The following OTUD7A variants were observed in gnomAD, a reference collection of about 807,000 sequenced individuals.
OTUD7A encodes OTU deubiquitinase 7A.
OTUD7A carries 12 observed loss-of-function variants against 65.7 expected under a neutral mutation model. That is an observed-to-expected ratio of 0.18 (90% CI 0.12 to 0.30). The LOEUF (loss-of-function observed/expected upper bound fraction) is 0.30, where lower values mean the gene tolerates loss of function less well. OTUD7A is among the 10% of genes least tolerant of loss of function. The pLI, the probability that OTUD7A is intolerant of heterozygous loss-of-function variation, is 1.00. For missense variants in OTUD7A, 1,148 were observed against 1,304.8 expected (o/e 0.88, Z 1.85); for synonymous variants, 641 against 586.3 (o/e 1.09, Z -1.35).
chr15:31,532,989 G>C (rs148760385), intron 5 of OTUD7A, among the ~76,000 whole-genome samples: 1 of 148,022 alleles, frequency 6.8e-6, no homozygotes, highest in African/African-American at 2.5e-5. Flanking sequence ...TCACTAAAAG[G>C]TTCCCAATTT....
chr15:31,835,531 T>C (rs1337001877), intron 1 of OTUD7A, among the ~76,000 whole-genome samples: 2 of 152,198 alleles, frequency 1.3e-5, no homozygotes, highest in Non-Finnish European at 2.9e-5. Context: ...CCAGGGTTGG[T>C]CTTCATTGAC....
In OTUD7A at chr15:31,627,942, GT is replaced by G. The variant is rs533024517; in HGVS notation, c.151+27153del. Among the ~76,000 whole-genome samples, 10 of 151,828 alleles carry G rather than the reference GT, an allele frequency of 6.6e-5. No homozygotes were observed. The East Asian group carries it at 1.9e-3, about 29-fold the overall frequency. On this transcript the variant is annotated intron_variant, in intron 3 of 12. Coordinates refer to ENST00000307050, the MANE Select transcript of OTUD7A (RefSeq NM_001382637.1). ...CACCCACTTGTTGATGGGGTTGTTTGTTTTTTTTCTTTTAAATTTGTTTGAG... is the reference window on the plus strand; with the variant it reads ...CACCCACTTGTTGATGGGGTTGTTTGTTTTTTTCTTTTAAATTTGTTTGAG...
chr15:31,838,666 C>T (rs1015249226), intron 1 of OTUD7A, among the ~76,000 whole-genome samples: 5 of 134,702 alleles, frequency 3.7e-5, no homozygotes, highest in African/African-American at 1.4e-4. Flanking sequence ...GACCCCCCCC[C>T]ACTACTCCTA....
intron 5 of OTUD7A, among the ~76,000 whole-genome samples, chr15:31,537,012 A>C (rs750956817): frequency 6.6e-6 from 1 of 152,222 alleles, no homozygotes; most frequent in African/African-American, 2.4e-5. Flanking sequence ...ACATGTAACG[A>C]AATTTCAGAT....
chr15:31,756,175 T>C (rs1035897898), intron 1 of OTUD7A, among the ~76,000 whole-genome samples: 1 of 152,236 alleles, frequency 6.6e-6, no homozygotes, highest in Non-Finnish European at 1.5e-5. Context: ...ACTAAGGGCC[T>C]GTGGGTCCTC....
At chr15:31,667,820 T>C (rs1383283608) in intron 1 of OTUD7A, among the ~76,000 whole-genome samples, 1 of 152,218 alleles carries the variant, frequency 6.6e-6, no homozygotes, top group African/African-American at 2.4e-5. Flanking sequence ...GAGCTCCTTT[T>C]AGCAGTTCTT....
intron 1 of OTUD7A, among the ~76,000 whole-genome samples, chr15:31,855,750 C>G (rs1897554833): frequency 1.3e-5 from 2 of 152,186 alleles, no homozygotes; most frequent in Admixed American, 1.3e-4. Context: ...AACCTTTCAA[C>G]CCCTGAGTGA....
At chr15:31,540,549 A>C (rs1887954946) in intron 5 of OTUD7A, among the ~76,000 whole-genome samples, 1 of 152,176 alleles carries the variant, frequency 6.6e-6, no homozygotes, top group Non-Finnish European at 1.5e-5. Flanking sequence ...ACTCTGTTTC[A>C]GTGTTCAATT....
intron 1 of OTUD7A, among the ~76,000 whole-genome samples, chr15:31,681,837 T>C: frequency 6.6e-6 from 1 of 150,590 alleles, no homozygotes; most frequent in Non-Finnish European, 1.5e-5. Flanking sequence ...CATTGCTCTG[T>C]GTTATGTGCT....
intron 1 of OTUD7A, among the ~76,000 whole-genome samples, chr15:31,762,570 G>A (rs1436136894): frequency 6.6e-6 from 1 of 152,170 alleles, no homozygotes; most frequent in Non-Finnish European, 1.5e-5. Context: ...TACACCAAAG[G>A]CTTTGATTAT....
intron 10 of OTUD7A, among the ~76,000 whole-genome samples, chr15:31,489,866 G>A (rs1178786237): frequency 2.0e-5 from 3 of 152,234 alleles, no homozygotes; most frequent in Non-Finnish European, 4.4e-5. Flanking sequence ...AGTGCACGGT[G>A]GGAATACCCC....
At chr15:31,518,841 T>C (rs1239094290) in intron 8 of OTUD7A, among the ~76,000 whole-genome samples, 2 of 152,248 alleles carry the variant, frequency 1.3e-5, no homozygotes, top group Non-Finnish European at 2.9e-5. Context: ...GGTCAAGGAC[T>C]GTGCCTGCCC....
intron 1 of OTUD7A, among the ~76,000 whole-genome samples, chr15:31,685,097 G>A (rs938277836): frequency 3.3e-5 from 5 of 152,230 alleles, no homozygotes; most frequent in African/African-American, 1.2e-4. Flanking sequence ...TATTCTGCTA[G>A]AATGCAAATA....
At chr15:31,515,217 CTT>C (rs939491752) in intron 8 of OTUD7A, among the ~76,000 whole-genome samples, 16 of 152,258 alleles carry the variant, frequency 1.1e-4, no homozygotes, top group African/African-American at 3.9e-4. Context: ...AGGAGCTGCT[CTT>C]GAGTCAGGTA....
intron 3 of OTUD7A, among the ~76,000 whole-genome samples, chr15:31,654,241 G>C (rs577859861): frequency 1.7e-5 from 2 of 116,572 alleles, no homozygotes; most frequent in East Asian, 4.6e-4. Flanking sequence ...TCTAAACTTG[G>C]AGTTGGTTTG....
chr15:31,524,653 T>C (rs1467268185), intron 8 of OTUD7A, among the ~76,000 whole-genome samples: 4 of 152,122 alleles, frequency 2.6e-5, no homozygotes, highest in Non-Finnish European at 4.4e-5. Context: ...GGTTGTTTAG[T>C]TTCCCCTCTC....
intron 1 of OTUD7A, among the ~76,000 whole-genome samples, chr15:31,769,895 G>A (rs1225063712): frequency 1.3e-5 from 2 of 152,154 alleles, no homozygotes; most frequent in Non-Finnish European, 2.9e-5. Context: ...TGTGATAGTG[G>A]TTAAATAAAA....
chr15:31,493,971 T>C (rs1167597286), intron 10 of OTUD7A, among the ~76,000 whole-genome samples: 1 of 152,164 alleles, frequency 6.6e-6, no homozygotes, highest in Non-Finnish European at 1.5e-5. Flanking sequence ...CAAATTAAAC[T>C]CAAAGCAGAG....
At chr15:31,621,598 T>C (rs1276650402) in intron 3 of OTUD7A, among the ~76,000 whole-genome samples, 2 of 152,190 alleles carry the variant, frequency 1.3e-5, no homozygotes, top group Non-Finnish European at 2.9e-5. Context: ...CTACCTTTTT[T>C]TTTGTTTTCC....
Sources: gnomAD v4.1 joint callset for allele counts (sites outside exome capture counted in the v4.1 genomes callset) on GRCh38, gnomAD v4.1.1 for gene constraint, MANE v1.5 for transcripts, NCBI Gene and HGNC (gene_info 2026-07-23, HGNC 2026-07-21) for gene names.